Variants in B3GAT2 observed in about 807,000 individuals in gnomAD.
B3GAT2 encodes galactosylgalactosylxylosylprotein 3-beta-glucuronosyltransferase 2.
Under a neutral mutation model 27.8 loss-of-function variants are expected in B3GAT2, and 26 were observed. The ratio of observed to expected loss-of-function variants is 0.93; its 90% CI spans 0.68 to 1.30. The LOEUF (loss-of-function observed/expected upper bound fraction) is 1.30, where lower values mean the gene tolerates loss of function less well. B3GAT2 is among the 50% of genes most tolerant of loss of function. The pLI, the probability that B3GAT2 is intolerant of heterozygous loss-of-function variation, is 0.00. For synonymous variants in B3GAT2, 218 were observed against 195.1 expected (o/e 1.12, Z -0.98); for missense variants, 458 against 459.0 (o/e 1.00, Z 0.02).
intron 1 of B3GAT2, among the ~76,000 whole-genome samples, chr6:70,913,784 C>T (rs942555253): frequency 8.5e-5 from 13 of 152,052 alleles, no homozygotes; most frequent in African/African-American, 3.1e-4. Context: ...TGATTGAATA[C>T]TGTTAGTGGG....
At chr6:70,955,780 G>T in intron 1 of B3GAT2, 59 bp downstream of exon 1, 1 of 1,487,738 alleles carries the variant, frequency 6.7e-7, no homozygotes, top group Non-Finnish European at 8.9e-7. Flanking sequence ...ACTGCAGCCC[G>T]GCCGGCCCGG....
chr6:70,956,850 C>G lies in B3GAT2; in HGVS notation c.-421G>C, dbSNP rs2150055627. The G allele has an allele frequency of 9.7e-7, 1 of 1,032,300 alleles. No individual in the cohort carries two copies. The highest frequency in any genetic ancestry group is 1.2e-6 in the Non-Finnish European group (1 of 860,448). 63.9% of individuals were successfully genotyped at this position (1,032,300 alleles called of 1,614,324 possible). On this transcript the variant is annotated 5_prime_UTR_variant, in exon 1 of 4. Transcript: ENST00000230053. Reference sequence around the variant, plus strand: ...TCCGGCGGTGCTGCGGGCACAAGGGCTCCAGCCGCGGGCCCCCAGGACGCT... The same window carrying G: ...TCCGGCGGTGCTGCGGGCACAAGGGGTCCAGCCGCGGGCCCCCAGGACGCT...
chr6:70,897,193 T>C (rs1167425186), intron 1 of B3GAT2, among the ~76,000 whole-genome samples: 2 of 152,108 alleles, frequency 1.3e-5, no homozygotes, highest in African/African-American at 4.8e-5. Context: ...TATCTCTTCC[T>C]TGGCAAAAAG....
At chr6:70,882,770 T>G (rs1772118517) in intron 2 of B3GAT2, among the ~76,000 whole-genome samples, 1 of 152,112 alleles carries the variant, frequency 6.6e-6, no homozygotes, top group South Asian at 2.1e-4. Context: ...GAGTGGAGAA[T>G]GCATGCCGCA....
chr6:70,922,412 T>C (rs779859051), intron 1 of B3GAT2, among the ~76,000 whole-genome samples: 6 of 152,130 alleles, frequency 3.9e-5, no homozygotes, highest in Admixed American at 6.5e-5. Flanking sequence ...TAAGTGTACA[T>C]GCAACATGCA....
chr6:70,933,537 T>G (rs1046433873), intron 1 of B3GAT2, among the ~76,000 whole-genome samples: 4 of 152,220 alleles, frequency 2.6e-5, no homozygotes, highest in African/African-American at 9.6e-5. Context: ...CAAGAATGTC[T>G]CTAGCACTCT....
chr6:70,879,832 T>C (rs1172090647), intron 2 of B3GAT2, among the ~76,000 whole-genome samples: 1 of 151,860 alleles, frequency 6.6e-6, no homozygotes, highest in Non-Finnish European at 1.5e-5. Context: ...GATTGTGAGA[T>C]GGGACAGCAA....
At chr6:70,892,121 G>C in intron 2 of B3GAT2, among the ~76,000 whole-genome samples, 1 of 152,106 alleles carries the variant, frequency 6.6e-6, no homozygotes, top group Admixed American at 6.5e-5. Flanking sequence ...AATGAATACA[G>C]AGCAAGGAAA....
chr6:70,916,859 C>A (rs1772782336), intron 1 of B3GAT2, among the ~76,000 whole-genome samples: 1 of 151,860 alleles, frequency 6.6e-6, no homozygotes, highest in East Asian at 1.9e-4. Context: ...CTAAAATTAT[C>A]TTTTTTTGTT....
At chr6:70,895,838 T>G (rs1772375090) in intron 1 of B3GAT2, among the ~76,000 whole-genome samples, 1 of 152,012 alleles carries the variant, frequency 6.6e-6, no homozygotes, top group African/African-American at 2.4e-5. Flanking sequence ...TACAACTTTT[T>G]TTTTTTTTAA....
chr6:70,898,948 G>T (rs140500290), intron 1 of B3GAT2, among the ~76,000 whole-genome samples: 1 of 151,076 alleles, frequency 6.6e-6, no homozygotes, highest in Non-Finnish European at 1.5e-5. Flanking sequence ...GGACAATGAA[G>T]CAAGACCCTG....
rs1316444593 is a variant in B3GAT2, at chr6:70,956,734, T to G, written c.-305A>C. The G allele has an allele frequency of 7.7e-7, 1 of 1,295,202 alleles. No homozygotes were observed. Among genetic ancestry groups the G allele is most frequent in the Non-Finnish European group, 9.8e-7 (1 of 1,020,052 alleles). 80.2% of individuals were successfully genotyped at this position (1,295,202 alleles called of 1,614,324 possible). A position where few individuals can be genotyped will look rare whatever the true frequency, so the allele number is the denominator to read the frequency against. Reference sequence around the variant, plus strand: ...CCGCGCGCCGCCGGTCCCGGAGTTGTGCCGAGTGCGGGAAAGGCGCTGATC... The same window carrying G: ...CCGCGCGCCGCCGGTCCCGGAGTTGGGCCGAGTGCGGGAAAGGCGCTGATC... On this transcript the variant is annotated 5_prime_UTR_variant, in exon 1 of 4. Transcript: ENST00000230053.
intron 2 of B3GAT2, among the ~76,000 whole-genome samples, chr6:70,878,812 C>T (rs939849424): frequency 9.2e-5 from 14 of 152,104 alleles, no homozygotes; most frequent in African/African-American, 3.4e-4. Context: ...GTTTAAGGAG[C>T]TTTTAAGGAA....
intron 1 of B3GAT2, among the ~76,000 whole-genome samples, chr6:70,934,385 C>T (rs1369638660): frequency 7.0e-6 from 1 of 143,698 alleles, no homozygotes; most frequent in Non-Finnish European, 1.5e-5. Context: ...CTTCACATCA[C>T]CCTTCTCCCA....
In B3GAT2 at chr6:70,902,635, TATACAC is replaced by T. The variant is rs1266163996; in HGVS notation, c.592-8369_592-8364del. Among the ~76,000 whole-genome samples, 12 of 143,268 alleles carry T rather than the reference TATACAC, an allele frequency of 8.4e-5. No individual in the cohort carries two copies. The East Asian group carries it at 1.0e-3, about 12-fold the overall frequency. The allele number at this position is 143,268 out of a possible 152,430, so 94.0% of individuals were successfully genotyped here. A position where few individuals can be genotyped will look rare whatever the true frequency, so the allele number is the denominator to read the frequency against. ...AAAATGGGATATATATATATATATA[TATACAC>T]ACACACACACACACACACACACACA... On this transcript the variant is annotated intron_variant, in intron 1 of 3. Coordinates refer to ENST00000230053, the MANE Select transcript of B3GAT2 (RefSeq NM_080742.3).
At chr6:70,939,909 A>T (rs1057208559) in intron 1 of B3GAT2, among the ~76,000 whole-genome samples, 11 of 149,334 alleles carry the variant, frequency 7.4e-5, no homozygotes, top group African/African-American at 2.5e-4. Flanking sequence ...ATAAAATAAT[A>T]AAAAAAATAA....
rs946043009 is a variant in B3GAT2 at position 70,861,735 on chromosome 6, G to A, written c.900C>T (p.His300=). The A allele has an allele frequency of 1.2e-6, 2 of 1,614,080 alleles. No homozygotes were observed. Among genetic ancestry groups the A allele is most frequent in the Non-Finnish European group, 1.7e-6 (2 of 1,179,976 alleles). ...ANNCTKVLVW[H]TRTEKVNLAN... Reference sequence around the variant, plus strand: ...CTAGATTAACCTTCTCTGTCCGAGTGTGCCACACGAGAACCTGAAGGGGAA... The same window carrying A: ...CTAGATTAACCTTCTCTGTCCGAGTATGCCACACGAGAACCTGAAGGGGAA... Residue 300 remains histidine, a synonymous_variant, in exon 4 of 4, where the codon CAC becomes CAT. Coordinates refer to ENST00000230053, the MANE Select transcript of B3GAT2 (RefSeq NM_080742.3).
At chr6:70,941,710 T>C (rs1217838252) in intron 1 of B3GAT2, among the ~76,000 whole-genome samples, 1 of 152,210 alleles carries the variant, frequency 6.6e-6, no homozygotes, top group African/African-American at 2.4e-5. Flanking sequence ...TATGATTTGA[T>C]TGACAATCTC....
Position 70,858,315 on chromosome 6 carries a change from T to TC in B3GAT2, c.*3347_*3348insG. 1 of 802,196 alleles carries TC rather than the reference T, an allele frequency of 1.2e-6. No homozygotes were observed. The highest frequency in any genetic ancestry group is 1.8e-6 in the Non-Finnish European group (1 of 553,644). The allele number at this position is 802,196 out of a possible 1,614,324, so 49.7% of individuals were successfully genotyped here. On this transcript the variant is annotated 3_prime_UTR_variant, in exon 4 of 4. Transcript: ENST00000230053. ...TTTTTTTTTTTTTTTTTTTTTTTTTTAAGTCTAGTGATCTGGCAGAAAGAA... is the reference window on the plus strand; with the variant it reads ...TTTTTTTTTTTTTTTTTTTTTTTTTTCAAGTCTAGTGATCTGGCAGAAAGAA...
Sources: allele counts gnomAD v4.1 joint callset (sites outside exome capture counted in the v4.1 genomes callset), GRCh38; gene constraint gnomAD v4.1.1; transcripts MANE v1.5; gene names NCBI Gene and HGNC (gene_info 2026-07-23, HGNC 2026-07-21).